Variants in MAD1L1 observed in about 807,000 individuals in gnomAD.
MAD1L1 encodes mitotic arrest deficient 1 like 1, also known as mitotic spindle assembly checkpoint protein MAD1.
In MAD1L1, 95 loss-of-function variants were observed where a neutral mutation model predicts 96.9. The ratio of observed to expected loss-of-function variants is 0.98; its 90% confidence interval spans 0.83 to 1.16. The LOEUF (loss-of-function observed/expected upper bound fraction) is 1.16, where lower values mean the gene tolerates loss of function less well. Ranked by LOEUF, MAD1L1 falls within the 50% of genes most tolerant of loss-of-function variation. The pLI is 0.00. For missense variants in MAD1L1, 1,007 were observed against 954.4 expected, an observed-to-expected ratio of 1.06 and a Z score of -0.73; for synonymous variants, 473 against 396.6, an observed-to-expected ratio of 1.19 and a Z score of -2.29.
chr7:2,092,787 T>C (rs1458670652), intron 11 of MAD1L1, among the ~76,000 whole-genome samples: 1 of 152,200 alleles, frequency 6.6e-6, no homozygotes, highest in Non-Finnish European at 1.5e-5. Context: ...GCAAGAGTCT[T>C]TAACAAGGCA....
chr7:1,898,327 G>C lies in MAD1L1; in HGVS notation c.1871C>G (p.Thr624Ser), dbSNP rs372493130. 1 of 1,614,074 alleles carries C rather than the reference G, an allele frequency of 6.2e-7. No individual in the cohort carries two copies. Residue 624 changes from threonine to serine, a missense_variant, in exon 18 of 19, where the codon ACC (threonine) becomes AGC (serine). Thr to Ser is a moderately conservative substitution (Grantham distance 58). Coordinates refer to ENST00000265854, the MANE Select transcript of MAD1L1 (RefSeq NM_001013836.2). ...GGCCTTGCGGAACTCCTGGATCTTG[G>C]TCTGGAAAACCTCCTTGAGCCGCTG... is the stretch of plus-strand genomic sequence containing the variant. Reference protein sequence around the residue: ...KNQRLKEVFQTKIQEFRKACY... With the variant: ...KNQRLKEVFQSKIQEFRKACY...
chr7:1,921,757 G>A (rs1213845575), intron 17 of MAD1L1, among the ~76,000 whole-genome samples: 1 of 152,186 alleles, frequency 6.6e-6, no homozygotes, highest in African/African-American at 2.4e-5. Context: ...TAATAAAGAT[G>A]AAGGTATAAA....
At chr7:2,071,151 C>T (rs544283906) in intron 11 of MAD1L1, among the ~76,000 whole-genome samples, 109 of 152,226 alleles carry the variant, frequency 7.2e-4, no homozygotes, top group African/African-American at 2.4e-3. Flanking sequence ...CTTTCTTGGG[C>T]GGTGGTCTCC....
At position 2,002,103 on chromosome 7, in the gene MAD1L1, G is replaced by C. The variant is rs1781824033; in HGVS notation, c.1378C>G (p.Leu460Val). ...TGTTTCTGGCCTCCCAGCTCCTCCA[G>C]GGCCTGCGACAGCTGAGCCTGCAAG... ...AEMEAQLSQA[L>V]EELGGQKQRA... Residue 460 changes from leucine (L) to valine (V), a missense_variant, in exon 14 of 19, where the codon CTG becomes GTG. Leu to Val is a conservative substitution (Grantham distance 32). Transcript: ENST00000265854. 6.2e-7 allele frequency: 1 copy of C among 1,613,118 alleles called. No individual in the cohort carries two copies. Among genetic ancestry groups the C allele is most frequent in the African/African-American group, 1.3e-5 (1 of 74,938 alleles).
intron 11 of MAD1L1, among the ~76,000 whole-genome samples, chr7:2,144,747 A>G (rs1789209506): frequency 6.6e-6 from 1 of 152,048 alleles, no homozygotes; most frequent in Non-Finnish European, 1.5e-5. Context: ...CAGAGGGCGC[A>G]CCAGATCCAC....
intron 13 of MAD1L1, among the ~76,000 whole-genome samples, chr7:2,009,195 G>A (rs978984387): frequency 1.3e-5 from 2 of 152,220 alleles, no homozygotes; most frequent in African/African-American, 4.8e-5. Flanking sequence ...GTGCTGCACA[G>A]AGGCCTCAGC....
intron 10 of MAD1L1, among the ~76,000 whole-genome samples, chr7:2,203,345 T>C (rs771202794): frequency 1.7e-4 from 26 of 152,258 alleles, no homozygotes; most frequent in Non-Finnish European, 2.2e-4. Flanking sequence ...GTACTGTGAC[T>C]TCGAGCTGAA....
At chr7:1,880,082 T>C (rs2128663320) in intron 18 of MAD1L1, among the ~76,000 whole-genome samples, 1 of 152,314 alleles carries the variant, frequency 6.6e-6, no homozygotes, top group South Asian at 2.1e-4. Context: ...GGAAAGGATA[T>C]TCCTTTAAAC....
intron 11 of MAD1L1, among the ~76,000 whole-genome samples, chr7:2,145,366 G>T (rs1244997717): frequency 6.6e-6 from 1 of 152,204 alleles, no homozygotes. Context: ...GAAGCTTCTT[G>T]CCTCTACCAA....
chr7:2,099,478 A>C (rs1346581315), intron 11 of MAD1L1, among the ~76,000 whole-genome samples: 1 of 152,254 alleles, frequency 6.6e-6, no homozygotes, highest in Non-Finnish European at 1.5e-5. Flanking sequence ...ATGTTCAAGC[A>C]CTTTTTTCTT....
intron 15 of MAD1L1, among the ~76,000 whole-genome samples, chr7:1,969,572 G>A (rs1257224652): frequency 6.6e-6 from 1 of 152,168 alleles, no homozygotes; most frequent in Non-Finnish European, 1.5e-5. Context: ...AAAAGAAAAA[G>A]TGAAACTACT....
intron 12 of MAD1L1, among the ~76,000 whole-genome samples, chr7:2,065,027 C>T (rs1009795618): frequency 4.6e-5 from 7 of 152,154 alleles, no homozygotes; most frequent in African/African-American, 1.7e-4. Context: ...ACAGCGGCTG[C>T]TCATGGGAGA....
At chr7:2,010,351 G>A (rs1782240207) in intron 13 of MAD1L1, among the ~76,000 whole-genome samples, 1 of 152,078 alleles carries the variant, frequency 6.6e-6, no homozygotes, top group South Asian at 2.1e-4. Flanking sequence ...AAATCGTTAG[G>A]AACTATTTCA....
chr7:1,821,273 T>C (rs1311089193), intron 18 of MAD1L1, among the ~76,000 whole-genome samples: 2 of 152,094 alleles, frequency 1.3e-5, no homozygotes, highest in Non-Finnish European at 2.9e-5. Context: ...ATAGCCTCGG[T>C]AGTCCTATAA....
At chr7:2,230,944 T>C (rs1794162029) in intron 1 of MAD1L1, among the ~76,000 whole-genome samples, 1 of 152,188 alleles carries the variant, frequency 6.6e-6, no homozygotes, top group African/African-American at 2.4e-5. Context: ...AAATGATGCT[T>C]TCCCAGGTTT....
In MAD1L1 at chr7:2,082,654, C is replaced by T. The variant is rs773474529; in HGVS notation, c.1074-13316G>A. Among the ~76,000 whole-genome samples the T allele has an allele frequency of 1.9e-4, 29 of 152,212 alleles. 1 individual carries two copies. Among genetic ancestry groups the T allele is most frequent in the Non-Finnish European group, 3.1e-4 (21 of 68,026 alleles). On this transcript the variant is annotated intron_variant, in intron 11 of 18. Transcript: ENST00000265854. ...GCTCACATACCCCGTTTAACTGAGG[C>T]TTGCATCAAATTAGACAAATAGTTA...
intron 17 of MAD1L1, among the ~76,000 whole-genome samples, chr7:1,918,384 G>A (rs759106100): frequency 2.0e-5 from 3 of 152,122 alleles, no homozygotes; most frequent in Non-Finnish European, 4.4e-5. Context: ...ATCCTCCCTC[G>A]GCTCCGTCTT....
chr7:2,020,798 G>A (rs773312755), intron 12 of MAD1L1, among the ~76,000 whole-genome samples: 1 of 151,252 alleles, frequency 6.6e-6, no homozygotes. Context: ...TTGCTCTGTC[G>A]TCTAGGCTAC....
Position 1,973,041 on chromosome 7 carries a change from A to G in MAD1L1, c.1505+7412T>C, listed in dbSNP as rs558096832. 2.6e-5 allele frequency among the ~76,000 whole-genome samples: 4 copies of G among 152,214 alleles called. No homozygotes were observed. The East Asian group carries it at 7.7e-4, about 29-fold the overall frequency. ...GTCTGAGTGAATTCGATTCTTTCGA[A>G]TTTACTGGGGTCTCTTTGATGACCC... On this transcript the variant is annotated intron_variant, in intron 15 of 18. Coordinates refer to ENST00000265854, the MANE Select transcript of MAD1L1 (RefSeq NM_001013836.2).
Sources: allele counts gnomAD v4.1 joint callset (sites outside exome capture counted in the v4.1 genomes callset), GRCh38; gene constraint gnomAD v4.1.1; transcripts MANE v1.5; gene names NCBI Gene and HGNC (gene_info 2026-07-23, HGNC 2026-07-21).